NPHS1: variants seen among roughly 807,000 people sequenced by gnomAD.
NPHS1 encodes the protein NPHS1 adhesion molecule, nephrin, also known as nephrin.
Under a neutral mutation model 139.7 loss-of-function variants are expected in NPHS1, and 107 were observed. That is an observed-to-expected ratio of 0.77 (90% confidence interval 0.66 to 0.90). NPHS1 has a LOEUF of 0.90. NPHS1 is among the 40% of genes least tolerant of loss of function. The probability of loss-of-function intolerance (pLI) is 0.00; values close to 1 mark genes in which losing one functional copy is unlikely to be tolerated. For missense variants in NPHS1, 1,580 were observed against 1,654.2 expected (o/e 0.96, Z 0.78); for synonymous variants, 707 against 706.6 (o/e 1.00, Z -0.01).
chr19:35,837,382 G>T (rs944347917), intron 22 of NPHS1, among the ~76,000 whole-genome samples: 9 of 151,936 alleles, frequency 5.9e-5, no homozygotes, highest in African/African-American at 2.2e-4. Context: ...CCTGTTATTG[G>T]TAACTTGTAT....
At chr19:35,834,385 T>C (rs1160624334) in intron 23 of NPHS1, among the ~76,000 whole-genome samples, 2 of 152,182 alleles carry the variant, frequency 1.3e-5, no homozygotes, top group Non-Finnish European at 2.9e-5. Flanking sequence ...GCAGAGATGA[T>C]TTAAGCCAGC....
rs114428177 is a variant in NPHS1, at chr19:35,849,642, C to T, written c.620G>A (p.Arg207Gln). ...CAGCAACTGCCTATTATCTGAGCTCCGGGGTGTCACCCTGGGATGAGAAGT... is the reference window on the plus strand; with the variant it reads ...CAGCAACTGCCTATTATCTGAGCTCTGGGGTGTCACCCTGGGATGAGAAGT... Reference protein sequence around the residue: ...TVEATARVTPRSSDNRQLLVC... With the variant: ...TVEATARVTPQSSDNRQLLVC... Residue 207 changes from arginine to glutamine, a missense_variant, in exon 6 of 29, where the codon CGG becomes CAG. Coordinates refer to ENST00000378910, the MANE Select transcript of NPHS1 (RefSeq NM_004646.4). 30 of 1,613,480 alleles carry T rather than the reference C, an allele frequency of 1.9e-5. No individual in the cohort carries two copies. Among genetic ancestry groups the T allele is most frequent in the African/African-American group, 2.7e-5 (2 of 75,012 alleles).
chr19:35,839,467 C>T (rs759017326), intron 21 of NPHS1, 29 bp downstream of exon 21: 9 of 1,613,128 alleles, frequency 5.6e-6, no homozygotes, highest in African/African-American at 1.3e-5. Context: ...TAGCCCATTC[C>T]CTTCCCTCCT....
At chr19:35,837,429 T>A (rs1431652114) in intron 22 of NPHS1, among the ~76,000 whole-genome samples, 6 of 152,230 alleles carry the variant, frequency 3.9e-5, no homozygotes, top group Non-Finnish European at 8.8e-5. Context: ...GATTTATAAA[T>A]GTTATTGATT....
Position 35,849,541 on chromosome 19 carries a change from T to C in NPHS1, c.712+9A>G, listed in dbSNP as rs1214665015. The C allele has an allele frequency of 6.2e-7, 1 of 1,611,978 alleles. No individual in the cohort carries two copies. The highest frequency in any genetic ancestry group is 2.2e-5 in the East Asian group (1 of 44,866). Reference sequence around the variant, plus strand: ...CTCAGCGCCCTAGTTGGCCCAGTTCTCCACTTACACAGAACATTCACGGTG... The same window carrying C: ...CTCAGCGCCCTAGTTGGCCCAGTTCCCCACTTACACAGAACATTCACGGTG... On this transcript the variant is annotated intron_variant, in intron 6 of 28. Coordinates refer to ENST00000378910, the MANE Select transcript of NPHS1 (RefSeq NM_004646.4).
rs1260302003 is a variant in NPHS1 at position 35,848,948 on chromosome 19, CAG to C, written c.1012+26_1012+27del. Reference sequence around the variant, plus strand: ...GATGGTTCTCTGAGGCACAGACCGACAGGGGGGCAGCTGGCACCAGGACTCAC... The same window carrying C: ...GATGGTTCTCTGAGGCACAGACCGACGGGGGCAGCTGGCACCAGGACTCAC... On this transcript the variant is annotated intron_variant, in intron 8 of 28. Coordinates refer to ENST00000378910, the MANE Select transcript of NPHS1 (RefSeq NM_004646.4). 1.2e-5 allele frequency: 20 copies of C among 1,611,298 alleles called. No homozygotes were observed. In the Admixed American group the frequency reaches 2.8e-4, roughly 23 times the overall value.
intron 23 of NPHS1, among the ~76,000 whole-genome samples, chr19:35,832,975 G>A (rs764831366): frequency 2.9e-4 from 43 of 148,866 alleles, no homozygotes; most frequent in Non-Finnish European, 5.6e-4. Flanking sequence ...ACCTCCACCT[G>A]CAGGGTTCAA....
In NPHS1 at chr19:35,828,905, G is replaced by T. The variant is rs561936236; in HGVS notation, c.3594+1939C>A. Among the ~76,000 whole-genome samples, 69 of 152,244 alleles carry T rather than the reference G, an allele frequency of 4.5e-4. 1 individual carries two copies. Among genetic ancestry groups the T allele is most frequent in the Non-Finnish European group, 8.5e-4 (58 of 68,052 alleles). On this transcript the variant is annotated intron_variant, in intron 28 of 28. Transcript: ENST00000378910. ...CCATGCTGGTGAGGAGCTAGGATCT[G>T]ACAACAGTCCCGGTATCGGAGGTCG... is the stretch of plus-strand genomic sequence containing the variant.
At chr19:35,843,730 G>A in intron 16 of NPHS1, 137 bp from the exon 17 acceptor site, 1 of 1,117,878 alleles carries the variant, frequency 8.9e-7, no homozygotes, top group South Asian at 1.5e-5. Flanking sequence ...TAATACCAAA[G>A]GGTTGGAGGA....
intron 28 of NPHS1, among the ~76,000 whole-genome samples, chr19:35,827,746 G>T (rs545320761): frequency 4.6e-5 from 7 of 152,184 alleles, no homozygotes; most frequent in Admixed American, 3.3e-4. Context: ...GCAAAACCCT[G>T]TCTCTACTAA....
intron 14 of NPHS1, among the ~76,000 whole-genome samples, chr19:35,844,664 A>G (rs1221720958): frequency 1.3e-5 from 2 of 152,204 alleles, no homozygotes; most frequent in Non-Finnish European, 2.9e-5. Context: ...AGCAGAAGCC[A>G]GGGTCAGTTT....
intron 5 of NPHS1, 25 bp from the exon 6 acceptor site, chr19:35,849,678 G>A: frequency 6.4e-7 from 1 of 1,552,810 alleles, no homozygotes; most frequent in Non-Finnish European, 8.9e-7. Flanking sequence ...CAGGGTTATA[G>A]AGTCAGAGTC....
chr19:35,848,259 C>CGT lies in NPHS1; in HGVS notation c.1307_1308dup (p.Val437ThrfsTer2), dbSNP rs386833878. On this transcript the variant is annotated frameshift_variant, in exon 10 of 29. Coordinates refer to ENST00000378910, the MANE Select transcript of NPHS1 (RefSeq NM_004646.4). LOFTEE classifies it high-confidence loss of function. ...GGCCAGGGCAGGGGCTCACATTTTA[C>CGT]GTTCAGGATGAGCGACTTCTTGAAG... 7.4e-6 allele frequency: 12 copies of CGT among 1,614,134 alleles called. No homozygotes were observed. The highest frequency in any genetic ancestry group is 1.0e-5 in the Non-Finnish European group (12 of 1,180,022).
rs745897566 is a variant in NPHS1 at position 35,851,258 on chromosome 19, A to G, written c.397+4T>C. ...CATGGGTCCTGGGCGTCTCTCACCC[A>G]TACCCAGGATGGAGAGGATCACTCT... On this transcript the variant is annotated splice_donor_region_variant and intron_variant, in intron 3 of 28. Transcript: ENST00000378910. 1 of 1,613,998 alleles carries G rather than the reference A, an allele frequency of 6.2e-7. No homozygotes were observed. Among genetic ancestry groups the G allele is most frequent in the Non-Finnish European group, 8.5e-7 (1 of 1,179,924 alleles).
chr19:35,832,835 C>T (rs1475821197), intron 23 of NPHS1, among the ~76,000 whole-genome samples: 3 of 135,574 alleles, frequency 2.2e-5, no homozygotes, highest in Non-Finnish European at 4.7e-5. Context: ...TGCAGTGAGC[C>T]GAGATCACGC....
At chr19:35,835,868 A>T in intron 22 of NPHS1, 107 bp from the exon 23 acceptor site, 4 of 912,426 alleles carry the variant, frequency 4.4e-6, no homozygotes, top group Non-Finnish European at 7.2e-6. Flanking sequence ...GAACTGGTAT[A>T]TGACTGCTTA....
intron 22 of NPHS1, among the ~76,000 whole-genome samples, chr19:35,836,443 G>A (rs1219904206): frequency 6.6e-6 from 1 of 151,992 alleles, no homozygotes; most frequent in African/African-American, 2.4e-5. Context: ...CTGTTGATGA[G>A]CACTTTCGGT....
chr19:35,843,233 T>A (rs1973086044), intron 17 of NPHS1, among the ~76,000 whole-genome samples: 1 of 152,186 alleles, frequency 6.6e-6, no homozygotes, highest in African/African-American at 2.4e-5. Flanking sequence ...CACCTGTTCA[T>A]CCACTTACCT....
chr19:35,845,146 T>G lies in NPHS1; in HGVS notation c.1930+222A>C, dbSNP rs1973116742. Among the ~76,000 whole-genome samples the G allele has an allele frequency of 6.6e-6, 1 of 152,080 alleles. No homozygotes were observed. ...CTAGCGAAGCGTGGTAGCGCACACCTGTAGTCTCAGCTACTCGGGAGGCTG... is the reference window on the plus strand; with the variant it reads ...CTAGCGAAGCGTGGTAGCGCACACCGGTAGTCTCAGCTACTCGGGAGGCTG... On this transcript the variant is annotated intron_variant, in intron 14 of 28. Transcript: ENST00000378910. The surrounding 1 kb of genome is among the most constrained non-coding windows in gnomAD (Gnocchi z 5.5).
Sources: gnomAD v4.1 joint callset for allele counts (sites outside exome capture counted in the v4.1 genomes callset) on GRCh38, gnomAD v4.1.1 for gene constraint, Gnocchi (gnomAD v3.1) non-coding constraint, MANE v1.5 for transcripts, NCBI Gene and HGNC (gene_info 2026-07-23, HGNC 2026-07-21) for gene names.